TRAF7: variants seen among roughly 807,000 people sequenced by gnomAD.
TRAF7 encodes TNF receptor associated factor 7, also known as E3 ubiquitin-protein ligase TRAF7.
In TRAF7, 45 loss-of-function variants were observed where a neutral mutation model predicts 89.3. The ratio of observed to expected loss-of-function variants is 0.50; its 90% CI spans 0.40 to 0.65. TRAF7 has a LOEUF of 0.65. Ranked by LOEUF, TRAF7 falls within the 30% of genes least tolerant of loss-of-function variation. TRAF7 has a pLI of 0.00. For missense variants in TRAF7, 677 were observed against 918.1 expected, an observed-to-expected ratio of 0.74 and a Z score of 3.39; for synonymous variants, 406 against 369.2, an observed-to-expected ratio of 1.10 and a Z score of -1.14.
In TRAF7 at chr16:2,176,654, C is replaced by T. The variant is rs375215059; in HGVS notation, c.*80C>T. On this transcript the variant is annotated 3_prime_UTR_variant, in exon 21 of 21. Coordinates refer to ENST00000326181, the MANE Select transcript of TRAF7 (RefSeq NM_032271.3). Reference sequence around the variant, plus strand: ...CCAGGCTGGCCACATGGGGTGGTCTCGGGGTTTCTGCCTGCCCCGTGGGCA... The same window carrying T: ...CCAGGCTGGCCACATGGGGTGGTCTTGGGGTTTCTGCCTGCCCCGTGGGCA... The T allele has an allele frequency of 1.6e-5, 25 of 1,606,956 alleles. No homozygotes were observed. The African/African-American group carries it at 2.0e-4, about 13-fold the overall frequency.
chr16:2,167,725 G>A (rs901780784), intron 3 of TRAF7, among the ~76,000 whole-genome samples: 6 of 152,188 alleles, frequency 3.9e-5, no homozygotes, highest in South Asian at 2.1e-4. Context: ...TGATGGCTGC[G>A]TGCTGGCCAT....
Position 2,162,859 on chromosome 16 carries a change from C to T in TRAF7, c.-38-1024C>T, listed in dbSNP as rs1393789798. Among the ~76,000 whole-genome samples, 1 of 152,068 alleles carries T rather than the reference C, an allele frequency of 6.6e-6. No homozygotes were observed. The highest frequency in any genetic ancestry group is 2.4e-5 in the African/African-American group (1 of 41,444). On this transcript the variant is annotated intron_variant, in intron 1 of 20. Coordinates refer to ENST00000326181, the MANE Select transcript of TRAF7 (RefSeq NM_032271.3). The surrounding 1 kb of genome is among the most constrained non-coding windows in gnomAD (Gnocchi z 5.0). Reference sequence around the variant, plus strand: ...TGCGCTATCCGCTGCCAGCAGGAGACAGGGCTGTCCCAGCTGCATTCTGCC... The same window carrying T: ...TGCGCTATCCGCTGCCAGCAGGAGATAGGGCTGTCCCAGCTGCATTCTGCC...
chr16:2,165,169 G>A (rs1411034093), intron 2 of TRAF7, among the ~76,000 whole-genome samples: 1 of 142,100 alleles, frequency 7.0e-6, no homozygotes, highest in African/African-American at 2.7e-5. Context: ...GCGTGGCCTG[G>A]CCTGGTCGCA....
chr16:2,174,986 A>G (rs1418817551), intron 14 of TRAF7, 125 bp from the exon 15 acceptor site: 4 of 1,160,980 alleles, frequency 3.4e-6, no homozygotes. Flanking sequence ...AGGACACAGC[A>G]GTGGCCTTGG....
At position 2,170,756 on chromosome 16, in the gene TRAF7, G is replaced by A. The variant is rs377307538; in HGVS notation, c.348+26G>A. 2.7e-4 allele frequency: 417 copies of A among 1,572,024 alleles called. 1 individual carries two copies. The highest frequency in any genetic ancestry group is 3.5e-4 in the Non-Finnish European group (404 of 1,158,596). On this transcript the variant is annotated intron_variant, in intron 5 of 20. Coordinates refer to ENST00000326181, the MANE Select transcript of TRAF7 (RefSeq NM_032271.3). ...GTAGGTGTGGGGGACTCGGCGCAGA[G>A]CGGCTTCCAGGGCTGTCACCGCAGC... is the stretch of plus-strand genomic sequence containing the variant.
intron 2 of TRAF7, among the ~76,000 whole-genome samples, chr16:2,164,578 T>G (rs1330656429): frequency 4.2e-4 from 40 of 95,556 alleles, no homozygotes; most frequent in African/African-American, 7.4e-4. Flanking sequence ...TTAAGCATGT[T>G]AGTGCTACGT....
intron 1 of TRAF7, among the ~76,000 whole-genome samples, chr16:2,157,480 TTGAG>T (rs1292557243): frequency 6.6e-6 from 1 of 152,134 alleles, no homozygotes; most frequent in Non-Finnish European, 1.5e-5. Flanking sequence ...CTTTGGCAGA[TTGAG>T]TGGCGATTGG....
chr16:2,176,384 G>T lies in TRAF7; in HGVS notation c.1998G>T (p.Lys666Asn). 6.2e-7 allele frequency: 1 copy of T among 1,609,096 alleles called. No individual in the cohort carries two copies. The highest frequency in any genetic ancestry group is 8.5e-7 in the Non-Finnish European group (1 of 1,179,248). ...CAGGGGCTGTGGATAGCACTGTGAA[G>T]GTCAGTGCCCGTGGCTCAGGCCATT... The part of the protein sequence containing the change: ...LFSGAVDSTV[K>N]VWTC Residue 666 changes from lysine (K) to asparagine (N), a missense_variant and splice_region_variant, in exon 20 of 21, where the codon AAG becomes AAT. Physicochemically the swap from Lys to Asn is moderately conservative, Grantham distance 94. Coordinates refer to ENST00000326181, the MANE Select transcript of TRAF7 (RefSeq NM_032271.3).
At chr16:2,156,726 T>C (rs1466282537) in intron 1 of TRAF7, among the ~76,000 whole-genome samples, 2 of 16,166 alleles carry the variant, frequency 1.2e-4, no homozygotes, top group African/African-American at 5.5e-4. Flanking sequence ...ACAGGGTGCA[T>C]GGTGGGGTGG....
In TRAF7 at chr16:2,159,277, G is replaced by A. The variant is rs909255973; in HGVS notation, c.-39+3419G>A. On this transcript the variant is annotated intron_variant, in intron 1 of 20. Transcript: ENST00000326181. This position sits in a 1 kb window ranked among gnomAD's most constrained non-coding sequence, Gnocchi z 6.5. Reference sequence around the variant, plus strand: ...AGAGCTGGGGCTGTGGGTGTTGGGGGCAGGGACAGGCAAGGGGGTTCGCCG... The same window carrying A: ...AGAGCTGGGGCTGTGGGTGTTGGGGACAGGGACAGGCAAGGGGGTTCGCCG... Among the ~76,000 whole-genome samples, 2 of 152,118 alleles carry A rather than the reference G, an allele frequency of 1.3e-5. No homozygotes were observed. The highest frequency in any genetic ancestry group is 2.9e-5 in the Non-Finnish European group (2 of 68,018).
intron 14 of TRAF7, 60 bp from the exon 15 acceptor site, chr16:2,175,051 G>T: frequency 1.2e-6 from 2 of 1,608,894 alleles, no homozygotes; most frequent in South Asian, 2.2e-5. Flanking sequence ...GGCCCTGCCA[G>T]GGCGGTGTCA....
intron 1 of TRAF7, among the ~76,000 whole-genome samples, chr16:2,160,691 C>T (rs1305509868): frequency 6.6e-6 from 1 of 152,066 alleles, no homozygotes; most frequent in Non-Finnish European, 1.5e-5. Flanking sequence ...GGAAGAGTCT[C>T]TCATTCTATG....
At chr16:2,173,107 AT>A in intron 9 of TRAF7, 74 bp from the exon 10 acceptor site, 1 of 1,415,266 alleles carries the variant, frequency 7.1e-7, no homozygotes, top group Non-Finnish European at 9.7e-7. Flanking sequence ...GGGCTGGAGC[AT>A]TTGAGGGGGA....
In TRAF7 at chr16:2,175,925, T is replaced by C; in HGVS notation, c.1718T>C (p.Val573Ala). Residue 573 changes from valine (V) to alanine (A), a missense_variant, in exon 18 of 21, where the codon GTC becomes GCC. This residue lies in a region of TRAF7 where 160 missense variants were observed against 263.7 expected (regional missense o/e 0.61). Transcript: ENST00000326181. ...ATTGCTGTGACAAATCACCACATTG[T>C]CTGTGGCACCTACGAGAACCTCATC... is the stretch of plus-strand genomic sequence containing the variant. ...YSIAVTNHHIVCGTYENLIHV... is the reference protein window; with the variant it reads ...YSIAVTNHHIACGTYENLIHV... 1 of 1,613,450 alleles carries C rather than the reference T, an allele frequency of 6.2e-7. No homozygotes were observed. The highest frequency in any genetic ancestry group is 8.5e-7 in the Non-Finnish European group (1 of 1,179,984).
rs954308918 is a variant in TRAF7 at position 2,173,192 on chromosome 16, A to G, written c.805A>G (p.Ile269Val). Residue 269 changes from isoleucine to valine, a missense_variant, in exon 10 of 21, where the codon ATC becomes GTC. By Grantham distance (29) the Ile-to-Val change is conservative. Transcript: ENST00000326181. ...GTCCTGTCCCCGCAGGTGCACGTTC[A>G]TCGGGAACCAGGACACTTACGAGAC... ...CPHSKYGCTF[I>V]GNQDTYETHL... 5 of 1,608,896 alleles carry G rather than the reference A, an allele frequency of 3.1e-6. No individual in the cohort carries two copies. Among genetic ancestry groups the G allele is most frequent in the Admixed American group, 3.4e-5 (2 of 59,620 alleles).
rs775548843 is a variant in TRAF7, at chr16:2,164,013, C to T, written c.81+12C>T. Reference sequence around the variant, plus strand: ...ACGTCACCACAGGGGTAAGGGTGTGCCCCTCTGCAAGCCCAACATCCCCAG... The same window carrying T: ...ACGTCACCACAGGGGTAAGGGTGTGTCCCTCTGCAAGCCCAACATCCCCAG... On this transcript the variant is annotated intron_variant, in intron 2 of 20. Coordinates refer to ENST00000326181, the MANE Select transcript of TRAF7 (RefSeq NM_032271.3). 1 of 1,600,748 alleles carries T rather than the reference C, an allele frequency of 6.2e-7. No individual in the cohort carries two copies. Among genetic ancestry groups the T allele is most frequent in the Non-Finnish European group, 8.5e-7 (1 of 1,173,814 alleles).
chr16:2,156,759 C>T (rs2093036608), intron 1 of TRAF7, among the ~76,000 whole-genome samples: 1 of 151,930 alleles, frequency 6.6e-6, no homozygotes. Flanking sequence ...ATTATGCTGG[C>T]AAATGACTTG....
intron 2 of TRAF7, among the ~76,000 whole-genome samples, chr16:2,164,696 CGT>C (rs2093075546): frequency 7.1e-6 from 1 of 141,254 alleles, no homozygotes; most frequent in African/African-American, 2.7e-5. Flanking sequence ...CATGGTTAAG[CGT>C]GTGAGTGCTG....
chr16:2,164,163 CGCGCGCGCGCGCGCGCGCACGCGTGCGT>C lies in TRAF7; in HGVS notation c.81+164_81+191del, dbSNP rs1239678961. 1.0e-4 allele frequency among the ~76,000 whole-genome samples: 9 copies of C among 87,368 alleles called. No homozygotes were observed. In the South Asian group the frequency reaches 1.6e-3, roughly 16 times the overall value. The allele number at this position is 87,368 out of a possible 152,430, so 57.3% of individuals were successfully genotyped here. ...TGGTGTGTGTGTGTGTGTGTGTGCG[CGCGCGCGCGCGCGCGCGCACGCGTGCGT>C]GTGTGGTTGGGGCGTGTTAGTGCTG... On this transcript the variant is annotated intron_variant, in intron 2 of 20. Coordinates refer to ENST00000326181, the MANE Select transcript of TRAF7 (RefSeq NM_032271.3).
Sources: allele counts gnomAD v4.1 joint callset (sites outside exome capture counted in the v4.1 genomes callset), GRCh38; gene constraint gnomAD v4.1.1; regional missense constraint gnomAD v4.1.1; non-coding constraint Gnocchi (gnomAD v3.1); transcripts MANE v1.5; gene names NCBI Gene and HGNC (gene_info 2026-07-23, HGNC 2026-07-21).